The following EPSTI1 variants were observed in gnomAD, a reference collection of about 807,000 sequenced individuals.
EPSTI1 encodes epithelial-stromal interaction protein 1.
Under a neutral mutation model 49.9 loss-of-function variants are expected in EPSTI1, and 66 were observed. The ratio of observed to expected loss-of-function variants is 1.32; its 90% CI spans 1.08 to 1.62. The LOEUF (loss-of-function observed/expected upper bound fraction) is 1.62, where lower values mean the gene tolerates loss of function less well. EPSTI1 is among the 40% of genes most tolerant of loss of function. The pLI is 0.00. For missense variants in EPSTI1, 394 were observed against 365.5 expected, an observed-to-expected ratio of 1.08 and a Z score of -0.64; for synonymous variants, 137 against 130.7, an observed-to-expected ratio of 1.05 and a Z score of -0.33.
At chr13:42,923,997 T>C (rs1362208881) in intron 7 of EPSTI1, among the ~76,000 whole-genome samples, 2 of 152,208 alleles carry the variant, frequency 1.3e-5, no homozygotes, top group African/African-American at 4.8e-5. Context: ...GGCAATCACA[T>C]AGTGTTCACA....
At chr13:42,899,116 T>G (rs2037279146) in intron 9 of EPSTI1, among the ~76,000 whole-genome samples, 1 of 151,432 alleles carries the variant, frequency 6.6e-6, no homozygotes, top group South Asian at 2.1e-4. Context: ...GAGAGTCACT[T>G]GAACCCGGGA....
intron 8 of EPSTI1, among the ~76,000 whole-genome samples, chr13:42,912,176 C>G (rs925206124): frequency 1.3e-5 from 2 of 152,192 alleles, no homozygotes; most frequent in African/African-American, 4.8e-5. Context: ...AGAAAGGAGA[C>G]AGGTTACATT....
intron 6 of EPSTI1, among the ~76,000 whole-genome samples, chr13:42,951,131 T>C (rs941587424): frequency 1.1e-4 from 17 of 151,996 alleles, no homozygotes; most frequent in African/African-American, 4.1e-4. Flanking sequence ...CACTCCAGCC[T>C]GAGCAACAGA....
chr13:42,991,606 A>G (rs561620527), intron 1 of EPSTI1, among the ~76,000 whole-genome samples: 138 of 152,330 alleles, frequency 9.1e-4, no homozygotes, highest in Non-Finnish European at 1.6e-3. Flanking sequence ...TTTTAAAAAC[A>G]GTAAGGGAAA....
intron 1 of EPSTI1, 103 bp downstream of exon 1, chr13:42,991,875 G>C (rs1345097650): frequency 7.8e-7 from 1 of 1,277,814 alleles, no homozygotes; most frequent in African/African-American, 1.5e-5. Context: ...AATCCCTGTT[G>C]TTGGGCCCCT....
intron 1 of EPSTI1, among the ~76,000 whole-genome samples, chr13:42,981,856 G>A (rs1430423880): frequency 1.3e-5 from 2 of 151,980 alleles, no homozygotes; most frequent in African/African-American, 2.4e-5. Flanking sequence ...AATTTTTTCA[G>A]TTATATATAC....
At position 42,957,929 on chromosome 13, in the gene EPSTI1, T is replaced by G. The variant is rs146959846; in HGVS notation, c.490-3908A>C. Among the ~76,000 whole-genome samples the G allele has an allele frequency of 2.4e-4, 36 of 152,368 alleles. No individual in the cohort carries two copies. In the East Asian group the frequency reaches 6.6e-3, roughly 28 times the overall value. ...AAGTGAGGAATTTAAGAATCTTTAC[T>G]GGGATCTTTTCTTTCTTTCTTTTTA... On this transcript the variant is annotated intron_variant, in intron 5 of 10. Coordinates refer to ENST00000313624, the MANE Select transcript of EPSTI1 (RefSeq NM_033255.5).
intron 1 of EPSTI1, among the ~76,000 whole-genome samples, chr13:42,983,032 T>C (rs575793058): frequency 6.6e-6 from 1 of 152,344 alleles, no homozygotes; most frequent in Non-Finnish European, 1.5e-5. Context: ...GACACAGTTT[T>C]CCCTGGTTCT....
At chr13:42,933,561 C>A (rs1304499781) in intron 6 of EPSTI1, among the ~76,000 whole-genome samples, 8 of 152,228 alleles carry the variant, frequency 5.3e-5, no homozygotes, top group Admixed American at 5.2e-4. Flanking sequence ...AATACACCAT[C>A]CTCTTTGCCA....
intron 8 of EPSTI1, among the ~76,000 whole-genome samples, chr13:42,905,129 C>T (rs921696209): frequency 2.0e-5 from 3 of 151,848 alleles, no homozygotes; most frequent in Admixed American, 6.6e-5. Context: ...TATAAAAGAG[C>T]GAAACACCAC....
intron 6 of EPSTI1, among the ~76,000 whole-genome samples, chr13:42,930,584 T>A (rs932705546): frequency 1.3e-5 from 2 of 152,078 alleles, no homozygotes; most frequent in East Asian, 1.9e-4. Flanking sequence ...GGGAGAACTT[T>A]GTGCTTAATC....
rs1448979586 is a variant in EPSTI1, at chr13:42,886,751, G to C, written c.*1743C>G. 1 of 152,098 alleles carries C rather than the reference G, an allele frequency of 6.6e-6. No homozygotes were observed. The highest frequency in any genetic ancestry group is 1.5e-5 in the Non-Finnish European group (1 of 68,024). 9.4% of individuals were successfully genotyped at this position (152,098 alleles called of 1,614,324 possible). ...CCCCACACATATTCTAGATAGTTCT[G>C]GTCATGAAGTAAGTCACAATTTTCC... On this transcript the variant is annotated 3_prime_UTR_variant, in exon 11 of 11. Coordinates refer to ENST00000313624, the MANE Select transcript of EPSTI1 (RefSeq NM_033255.5).
chr13:42,903,864 AAAG>A (rs1248088966), intron 8 of EPSTI1, among the ~76,000 whole-genome samples: 1 of 151,692 alleles, frequency 6.6e-6, no homozygotes, highest in African/African-American at 2.4e-5. Flanking sequence ...AGAAAAAGAA[AAAG>A]ATTAATAAAT....
chr13:42,933,371 C>T (rs552215751), intron 6 of EPSTI1, among the ~76,000 whole-genome samples: 1 of 150,852 alleles, frequency 6.6e-6, no homozygotes, highest in East Asian at 2.0e-4. Flanking sequence ...GAAACCTGAC[C>T]ACCTCTTGAG....
At chr13:42,976,323 T>A (rs1415018821) in intron 1 of EPSTI1, among the ~76,000 whole-genome samples, 1 of 152,218 alleles carries the variant, frequency 6.6e-6, no homozygotes, top group African/African-American at 2.4e-5. Flanking sequence ...GTGAGCCTGG[T>A]CTTTGTCCTG....
chr13:42,985,845 G>A (rs1246463569), intron 1 of EPSTI1, among the ~76,000 whole-genome samples: 1 of 152,204 alleles, frequency 6.6e-6, no homozygotes, highest in African/African-American at 2.4e-5. Flanking sequence ...GCTTTGAGCT[G>A]TCCAATGGAC....
Position 42,888,278 on chromosome 13 carries a change from C to T in EPSTI1, c.*216G>A. ...GAAAAATAATGTAGCATTTCCCTGG[C>T]AGTAGAGATTAAATATGAGTTCAGG... On this transcript the variant is annotated 3_prime_UTR_variant, in exon 11 of 11. Coordinates refer to ENST00000313624, the MANE Select transcript of EPSTI1 (RefSeq NM_033255.5). The T allele has an allele frequency of 6.2e-7, 1 of 1,613,018 alleles. No homozygotes were observed. Among genetic ancestry groups the T allele is most frequent in the Non-Finnish European group, 8.5e-7 (1 of 1,179,956 alleles).
intron 6 of EPSTI1, among the ~76,000 whole-genome samples, chr13:42,941,876 T>A (rs2038763135): frequency 6.6e-6 from 1 of 152,146 alleles, no homozygotes; most frequent in East Asian, 1.9e-4. Context: ...TCTATACAAT[T>A]ATGCTTAGCA....
intron 7 of EPSTI1, among the ~76,000 whole-genome samples, chr13:42,923,320 G>A (rs1243755994): frequency 6.6e-6 from 1 of 152,170 alleles, no homozygotes; most frequent in Non-Finnish European, 1.5e-5. Flanking sequence ...CAGCACTTTG[G>A]GAGGCCAAGG....
Sources: allele counts gnomAD v4.1 joint callset (sites outside exome capture counted in the v4.1 genomes callset), GRCh38; gene constraint gnomAD v4.1.1; transcripts MANE v1.5; gene names NCBI Gene and HGNC (gene_info 2026-07-23, HGNC 2026-07-21).